GAPDHS: variants seen among roughly 807,000 people sequenced by gnomAD.
GAPDHS encodes the protein glyceraldehyde-3-phosphate dehydrogenase, spermatogenic.
Under a neutral mutation model 48.7 loss-of-function variants are expected in GAPDHS, and 42 were observed. The ratio of observed to expected loss-of-function variants is 0.86; its 90% CI spans 0.67 to 1.12. The LOEUF (loss-of-function observed/expected upper bound fraction) is 1.12, where lower values mean the gene tolerates loss of function less well. Ranked by LOEUF, GAPDHS falls within the 50% of genes most tolerant of loss-of-function variation. GAPDHS has a pLI of 0.00. For missense variants in GAPDHS, 512 were observed against 557.7 expected, an observed-to-expected ratio of 0.92 and a Z score of 0.82; for synonymous variants, 166 against 219.1, an observed-to-expected ratio of 0.76 and a Z score of 2.14.
chr19:35,543,167 C>A, intron 7 of GAPDHS, 141 bp downstream of exon 7: 1 of 977,764 alleles, frequency 1.0e-6, no homozygotes, highest in Non-Finnish European at 1.6e-6. Context: ...TCACTTAAAA[C>A]ACTGTGCAAC....
At chr19:35,544,850 C>G in intron 9 of GAPDHS, 59 bp from the exon 10 acceptor site, 1 of 975,808 alleles carries the variant, frequency 1.0e-6, no homozygotes, top group Admixed American at 1.7e-5. Flanking sequence ...GTCGGGGCCT[C>G]AGCTCCTGGA....
chr19:35,535,794 G>C (rs2071462278), intron 1 of GAPDHS, among the ~76,000 whole-genome samples: 1 of 142,182 alleles, frequency 7.0e-6, no homozygotes, highest in Non-Finnish European at 1.5e-5. Flanking sequence ...TTTTGAGACA[G>C]AGTCTCACTC....
chr19:35,543,772 T>C lies in GAPDHS; in HGVS notation c.1001T>C (p.Val334Ala). 6.2e-7 allele frequency: 1 copy of C among 1,613,724 alleles called. No individual in the cohort carries two copies. The highest frequency in any genetic ancestry group is 1.7e-5 in the Admixed American group (1 of 60,010). ...CCCTACTCAGCCATCAAGGAGGCTGTAAAAGCAGCAGCCAAGGGGCCCATG... is the reference window on the plus strand; with the variant it reads ...CCCTACTCAGCCATCAAGGAGGCTGCAAAAGCAGCAGCCAAGGGGCCCATG... Reference protein sequence around the residue: ...PAPYSAIKEAVKAAAKGPMAG... With the variant: ...PAPYSAIKEAAKAAAKGPMAG... The change falls in exon 9 of 11, where the codon GTA (valine) becomes GCA (alanine). Residue 334 changes from valine (V) to alanine (A), a missense_variant. By Grantham distance (64) the Val-to-Ala change is moderately conservative. Coordinates refer to ENST00000222286, the MANE Select transcript of GAPDHS (RefSeq NM_014364.5).
chr19:35,545,021 G>C lies in GAPDHS; in HGVS notation c.1154+15G>C. ...CTCATTTCATGGTAAGGGGGAAGGA[G>C]CTGGAGACTTAGAGGGAGGGGAACT... On this transcript the variant is annotated intron_variant, in intron 10 of 10. Coordinates refer to ENST00000222286, the MANE Select transcript of GAPDHS (RefSeq NM_014364.5). The C allele has an allele frequency of 6.2e-7, 1 of 1,609,620 alleles. No homozygotes were observed.
At position 35,544,722 on chromosome 19, in the gene GAPDHS, T is replaced by C. The variant is rs2071532355; in HGVS notation, c.1057-187T>C. On this transcript the variant is annotated intron_variant, in intron 9 of 10. Coordinates refer to ENST00000222286, the MANE Select transcript of GAPDHS (RefSeq NM_014364.5). ...TGACCTGTGCCCTTTGGCCAGACCCTGACACAGTGCCTTGGTCATACCCTG... is the reference window on the plus strand; with the variant it reads ...TGACCTGTGCCCTTTGGCCAGACCCCGACACAGTGCCTTGGTCATACCCTG... The C allele has an allele frequency of 9.8e-6, 6 of 614,192 alleles. No homozygotes were observed. The South Asian group carries it at 1.1e-4, about 11-fold the overall frequency. The allele number at this position is 614,192 out of a possible 1,614,324, so 38.0% of individuals were successfully genotyped here.
chr19:35,543,138 A>G, intron 7 of GAPDHS, 112 bp downstream of exon 7: 1 of 994,778 alleles, frequency 1.0e-6, no homozygotes, highest in South Asian at 1.4e-5. Context: ...TCGGGAGGAG[A>G]GGCCCACCAG....
At chr19:35,535,419 C>G (rs1291584378) in intron 1 of GAPDHS, among the ~76,000 whole-genome samples, 1 of 151,962 alleles carries the variant, frequency 6.6e-6, no homozygotes, top group Non-Finnish European at 1.5e-5. Context: ...GAGTTTCGCT[C>G]TTGTTGCCCA....
chr19:35,538,455 G>T, intron 3 of GAPDHS, 52 bp downstream of exon 3: 1 of 1,267,906 alleles, frequency 7.9e-7, no homozygotes, highest in South Asian at 1.2e-5. Flanking sequence ...GGGTGGGAAA[G>T]GGACTCAGGG....
chr19:35,536,468 C>T lies in GAPDHS; in HGVS notation c.68-345C>T, dbSNP rs538121796. Reference sequence around the variant, plus strand: ...GCGGGTGCTTATAATCCCAGCTACTCGGGAGGCTGAGGCAGGAGAATCACT... The same window carrying T: ...GCGGGTGCTTATAATCCCAGCTACTTGGGAGGCTGAGGCAGGAGAATCACT... On this transcript the variant is annotated intron_variant, in intron 1 of 10. Coordinates refer to ENST00000222286, the MANE Select transcript of GAPDHS (RefSeq NM_014364.5). 5.3e-5 allele frequency among the ~76,000 whole-genome samples: 8 copies of T among 151,658 alleles called. No homozygotes were observed. In the East Asian group the frequency reaches 1.4e-3, roughly 26 times the overall value.
chr19:35,545,181 T>C lies in GAPDHS; in HGVS notation c.*11T>C. The C allele has an allele frequency of 6.2e-7, 1 of 1,603,760 alleles. No homozygotes were observed. The highest frequency in any genetic ancestry group is 8.5e-7 in the Non-Finnish European group (1 of 1,170,630). ...AGCCGAGACAAGTGAAACGGGAAGG[T>C]CCTTTCTTTCCTTCCCAGGGGCCGG... On this transcript the variant is annotated 3_prime_UTR_variant, in exon 11 of 11. Transcript: ENST00000222286.
At chr19:35,539,490 T>C (rs1250996865) in intron 4 of GAPDHS, among the ~76,000 whole-genome samples, 1 of 152,202 alleles carries the variant, frequency 6.6e-6, no homozygotes, top group African/African-American at 2.4e-5. Flanking sequence ...CATTCACCTT[T>C]CTAATGTAAA....
At chr19:35,535,483 C>G (rs1231484029) in intron 1 of GAPDHS, among the ~76,000 whole-genome samples, 1 of 151,636 alleles carries the variant, frequency 6.6e-6, no homozygotes, top group Non-Finnish European at 1.5e-5. Context: ...CTCCTGGGTT[C>G]AAGCGATTCT....
In GAPDHS at chr19:35,544,540, CA is replaced by C. The variant is rs1297515327; in HGVS notation, c.1057-368del. ...TCCCTTCCTGCAGCTCCTTCTACCT[CA>C]GACACTGTGCTGAGGGCCCCAGCCG... On this transcript the variant is annotated intron_variant, in intron 9 of 10. Coordinates refer to ENST00000222286, the MANE Select transcript of GAPDHS (RefSeq NM_014364.5). 6.7e-5 allele frequency: 17 copies of C among 255,308 alleles called. No homozygotes were observed. The Admixed American group carries it at 8.2e-4, about 12-fold the overall frequency. The allele number at this position is 255,308 out of a possible 1,614,324, so 15.8% of individuals were successfully genotyped here.
rs959352405 is a variant in GAPDHS, at chr19:35,543,716, G to A, written c.945G>A (p.Val315=). ...FRVPTPDVSV[V]DLTCRLAQPA... is the part of the protein sequence containing the mutation. ...TACCAACCCCGGATGTGTCTGTCGT[G>A]GACCTGACCTGCCGCCTCGCCCAGC... The change falls in exon 9 of 11, where the codon GTG becomes GTA. Residue 315 remains valine (V), a synonymous_variant. Transcript: ENST00000222286. 6.2e-7 allele frequency: 1 copy of A among 1,614,062 alleles called. No individual in the cohort carries two copies. Among genetic ancestry groups the A allele is most frequent in the Non-Finnish European group, 8.5e-7 (1 of 1,179,996 alleles).
chr19:35,537,762 T>G (rs999086050), intron 2 of GAPDHS, among the ~76,000 whole-genome samples: 3 of 151,668 alleles, frequency 2.0e-5, no homozygotes, highest in African/African-American at 7.3e-5. Context: ...AAAAGATCCA[T>G]CCAGCTACAA....
chr19:35,538,760 C>T (rs551435507), intron 4 of GAPDHS, 77 bp downstream of exon 4: 296 of 892,092 alleles, frequency 3.3e-4, no homozygotes, highest in Non-Finnish European at 4.5e-4. Context: ...AATGGGATTC[C>T]AGCCTCTCAC....
chr19:35,544,036 C>A, intron 9 of GAPDHS: 1 of 884,188 alleles, frequency 1.1e-6, no homozygotes, highest in Non-Finnish European at 1.6e-6. Context: ...TTACTTCCTC[C>A]AAGTCTCTGG....
rs568353069 is a variant in GAPDHS, at chr19:35,536,640, G to T, written c.68-173G>T. The T allele has an allele frequency of 3.1e-5, 17 of 556,510 alleles. No individual in the cohort carries two copies. The South Asian group carries it at 4.7e-4, about 15-fold the overall frequency. 34.5% of individuals were successfully genotyped at this position (556,510 alleles called of 1,614,324 possible). ...AGAATCTCCAGGAAAGAGCCCTTGG[G>T]ATTGACATTTTAAACAAGTTCATTC... On this transcript the variant is annotated intron_variant, in intron 1 of 10. Coordinates refer to ENST00000222286, the MANE Select transcript of GAPDHS (RefSeq NM_014364.5).
rs1326768092 is a variant in GAPDHS, at chr19:35,542,116, A to G, written c.450-203A>G. ...CAGGGGTGGTGCAATCAGCAAAGGGAAAGTGGTCTGAAGTGGGGCAGTGGT... is the reference window on the plus strand; with the variant it reads ...CAGGGGTGGTGCAATCAGCAAAGGGGAAGTGGTCTGAAGTGGGGCAGTGGT... On this transcript the variant is annotated intron_variant, in intron 4 of 10. Coordinates refer to ENST00000222286, the MANE Select transcript of GAPDHS (RefSeq NM_014364.5). The G allele has an allele frequency of 5.1e-6, 3 of 588,528 alleles. No individual in the cohort carries two copies. In the African/African-American group the frequency reaches 5.6e-5, roughly 11 times the overall value. 36.5% of individuals were successfully genotyped at this position (588,528 alleles called of 1,614,324 possible). A position where few individuals can be genotyped will look rare whatever the true frequency, so the allele number is the denominator to read the frequency against.
Sources: allele counts gnomAD v4.1 joint callset (sites outside exome capture counted in the v4.1 genomes callset), GRCh38; gene constraint gnomAD v4.1.1; transcripts MANE v1.5; gene names NCBI Gene and HGNC (gene_info 2026-07-23, HGNC 2026-07-21).